CDHR3: variants seen among roughly 807,000 people sequenced by gnomAD.
CDHR3 encodes the protein cadherin related family member 3, also known as cadherin-related family member 3.
A neutral mutation model predicts 86.6 loss-of-function variants in CDHR3; 79 were observed. The ratio of observed to expected loss-of-function variants is 0.91; its 90% CI spans 0.76 to 1.10. The LOEUF (loss-of-function observed/expected upper bound fraction) is 1.10, where lower values mean the gene tolerates loss of function less well. CDHR3 is among the 50% of genes least tolerant of loss of function. The probability of loss-of-function intolerance (pLI) is 0.00; values close to 1 mark genes in which losing one functional copy is unlikely to be tolerated. For synonymous variants in CDHR3, 421 were observed against 402.4 expected (o/e 1.05, Z -0.55); for missense variants, 1,081 against 1,077.6 (o/e 1.00, Z -0.04).
intron 1 of CDHR3, among the ~76,000 whole-genome samples, chr7:105,974,026 C>T (rs1828390657): frequency 6.6e-6 from 1 of 152,166 alleles, no homozygotes; most frequent in African/African-American, 2.4e-5. Context: ...CACTGTTCAA[C>T]CCACAACAGT....
chr7:105,981,911 C>A (rs1244964000), intron 3 of CDHR3, among the ~76,000 whole-genome samples: 1 of 152,104 alleles, frequency 6.6e-6, no homozygotes, highest in Non-Finnish European at 1.5e-5. Context: ...ACATGAAATC[C>A]TTTAGGAAAT....
At chr7:106,026,525 G>T (rs1367969066) in intron 15 of CDHR3, among the ~76,000 whole-genome samples, 157 bp from the exon 16 acceptor site, 1 of 152,156 alleles carries the variant, frequency 6.6e-6, no homozygotes, top group Admixed American at 6.5e-5. Flanking sequence ...CAGGCGTGGT[G>T]ATCTAGTTTT....
At chr7:105,982,982 C>A (rs1405040746) in intron 3 of CDHR3, among the ~76,000 whole-genome samples, 23 of 130,602 alleles carry the variant, frequency 1.8e-4, no homozygotes, top group South Asian at 5.1e-4. Context: ...GACCCTATCT[C>A]AAAAAAAAAA....
intron 16 of CDHR3, among the ~76,000 whole-genome samples, chr7:106,028,107 G>A (rs1369259785): frequency 6.9e-6 from 1 of 145,934 alleles, no homozygotes; most frequent in Non-Finnish European, 1.5e-5. Flanking sequence ...ACAAGAGTGA[G>A]ACCCTGTCTT....
At chr7:105,999,467 G>A (rs190060085) in intron 6 of CDHR3, among the ~76,000 whole-genome samples, 18 of 152,264 alleles carry the variant, frequency 1.2e-4, no homozygotes, top group Admixed American at 3.9e-4. Context: ...CATTGTAGAG[G>A]GGTTGTCCTG....
chr7:106,024,281 A>T, intron 14 of CDHR3, 100 bp from the exon 15 acceptor site: 1 of 1,015,930 alleles, frequency 9.8e-7, no homozygotes, highest in Non-Finnish European at 1.5e-6. Context: ...TAGAGCAATA[A>T]CAATAACAAA....
intron 8 of CDHR3, among the ~76,000 whole-genome samples, chr7:106,008,276 G>A (rs1834247654): frequency 6.6e-6 from 1 of 152,164 alleles, no homozygotes. Flanking sequence ...GGAAAGAGAA[G>A]GAGAGGAGGG....
chr7:105,974,138 C>A (rs534160890), intron 1 of CDHR3, among the ~76,000 whole-genome samples: 1 of 152,254 alleles, frequency 6.6e-6, no homozygotes, highest in South Asian at 2.1e-4. Context: ...CAAGGCTTTC[C>A]TGGAAGAAAT....
At chr7:106,015,274 G>A in intron 10 of CDHR3, 61 bp downstream of exon 10, 2 of 1,414,730 alleles carry the variant, frequency 1.4e-6, no homozygotes, top group Non-Finnish European at 2.0e-6. Flanking sequence ...ACCAAACTCT[G>A]CTGGGCAATA....
rs576840530 is a variant in CDHR3 at position 106,035,247 on chromosome 7, T to A, written c.*2550T>A. Among the ~76,000 whole-genome samples, 10 of 152,212 alleles carry A rather than the reference T, an allele frequency of 6.6e-5. No individual in the cohort carries two copies. The South Asian group carries it at 1.9e-3, about 28-fold the overall frequency. On this transcript the variant is annotated 3_prime_UTR_variant, in exon 19 of 19. Coordinates refer to ENST00000317716, the MANE Select transcript of CDHR3 (RefSeq NM_152750.5). ...GAAGCCTGGGGCCTCTCTGAAGAGC[T>A]CAGTGTCTTCTCTGGTGATAGGCAG... is the stretch of plus-strand genomic sequence containing the variant.
intron 2 of CDHR3, among the ~76,000 whole-genome samples, chr7:105,977,558 T>C (rs1829022215): frequency 6.6e-6 from 1 of 152,196 alleles, no homozygotes; most frequent in Non-Finnish European, 1.5e-5. Flanking sequence ...TGGGCCACAG[T>C]TTCACAAGTC....
chr7:105,963,697 A>G (rs1585438551), intron 1 of CDHR3, among the ~76,000 whole-genome samples: 1 of 152,200 alleles, frequency 6.6e-6, no homozygotes, highest in South Asian at 2.1e-4. Flanking sequence ...GAGTATGTCA[A>G]GTGAGTCTTT....
At chr7:105,986,519 A>G (rs57693650) in intron 4 of CDHR3, among the ~76,000 whole-genome samples, 3,018 of 152,324 alleles carry the variant, frequency 0.02, 96 homozygotes, top group African/African-American at 0.069. Flanking sequence ...AGAAGAGTAA[A>G]TTAACAAATT....
In CDHR3 at chr7:105,983,102, C is replaced by T. The variant is rs181893900; in HGVS notation, c.416-1090C>T. ...TCACACTTCCTTCCCCAATTTTTCT[C>T]ATAATGTTTCTCACTAATATACACA... On this transcript the variant is annotated intron_variant, in intron 3 of 18. Transcript: ENST00000317716. Among the ~76,000 whole-genome samples, 15 of 152,202 alleles carry T rather than the reference C, an allele frequency of 9.9e-5. No homozygotes were observed. In the East Asian group the frequency reaches 2.1e-3, roughly 22 times the overall value.
Position 106,020,452 on chromosome 7 carries a change from A to G in CDHR3, c.1733A>G (p.Asp578Gly), listed in dbSNP as rs748680068. The change falls in exon 13 of 19, where the codon GAT becomes GGT. Residue 578 changes from aspartate (D) to glycine (G), a missense_variant. By Grantham distance (94) the Asp-to-Gly change is moderately conservative. Transcript: ENST00000317716. ...PNSYFLALPV[D>G]LKVGTNIQNF... ...TCTTATTTCCTGGCCCTCCCAGTGGATCTGAAAGTTGGCACAAATATTCAG... is the reference window on the plus strand; with the variant it reads ...TCTTATTTCCTGGCCCTCCCAGTGGGTCTGAAAGTTGGCACAAATATTCAG... 5 of 1,613,962 alleles carry G rather than the reference A, an allele frequency of 3.1e-6. No homozygotes were observed. Among genetic ancestry groups the G allele is most frequent in the Admixed American group, 3.3e-5 (2 of 60,024 alleles).
At chr7:106,028,697 G>A in intron 17 of CDHR3, 115 bp downstream of exon 17, 1 of 1,124,468 alleles carries the variant, frequency 8.9e-7, no homozygotes, top group Non-Finnish European at 1.3e-6. Flanking sequence ...TCAGGGAGGT[G>A]CTTGTGTTTG....
At chr7:106,011,661 T>C (rs1406211361) in intron 8 of CDHR3, among the ~76,000 whole-genome samples, 2 of 152,250 alleles carry the variant, frequency 1.3e-5, no homozygotes, top group East Asian at 3.8e-4. Context: ...TAGTAAAAAC[T>C]AATTGATATC....
intron 7 of CDHR3, among the ~76,000 whole-genome samples, chr7:106,002,154 G>A (rs1487034384): frequency 1.3e-5 from 2 of 152,146 alleles, no homozygotes; most frequent in Non-Finnish European, 2.9e-5. Context: ...CCTTTGTGGG[G>A]GATGGGTGGG....
intron 1 of CDHR3, among the ~76,000 whole-genome samples, chr7:105,970,354 C>A (rs547435111): frequency 1.3e-3 from 195 of 152,330 alleles, no homozygotes; most frequent in African/African-American, 4.5e-3. Context: ...GACAAGTGAG[C>A]ACATCCTGCA....
Sources: allele counts gnomAD v4.1 joint callset (sites outside exome capture counted in the v4.1 genomes callset), GRCh38; gene constraint gnomAD v4.1.1; transcripts MANE v1.5; gene names NCBI Gene and HGNC (gene_info 2026-07-23, HGNC 2026-07-21).